The following SGCD variants were observed in gnomAD, a reference collection of about 807,000 sequenced individuals.
SGCD encodes sarcoglycan delta.
A neutral mutation model predicts 36.6 loss-of-function variants in SGCD; 18 were observed. The observed-to-expected ratio is 0.49, with a 90% CI of 0.34 to 0.73. The LOEUF (loss-of-function observed/expected upper bound fraction) is 0.73. Ranked by LOEUF, SGCD falls within the 30% of genes least tolerant of loss-of-function variation. SGCD has a pLI of 0.01. For synonymous variants in SGCD, 133 were observed against 130.6 expected, an observed-to-expected ratio of 1.02 and a Z score of -0.12; for missense variants, 387 against 346.7, an observed-to-expected ratio of 1.12 and a Z score of -0.92.
At chr5:156,704,429 T>C (rs1368194258) in intron 7 of SGCD, among the ~76,000 whole-genome samples, 1 of 152,082 alleles carries the variant, frequency 6.6e-6, no homozygotes, top group Non-Finnish European at 1.5e-5. Context: ...CATATGACTC[T>C]TCCTGGAGTT....
intron 7 of SGCD, among the ~76,000 whole-genome samples, chr5:156,742,538 C>A (rs552911896): frequency 7.9e-5 from 12 of 152,264 alleles, no homozygotes; most frequent in South Asian, 6.2e-4. Flanking sequence ...CTCCTAGCTA[C>A]TTTCCTTGCA....
At chr5:156,448,954 A>AT (rs1243799780) in intron 3 of SGCD, among the ~76,000 whole-genome samples, 5 of 151,836 alleles carry the variant, frequency 3.3e-5, no homozygotes, top group Non-Finnish European at 7.4e-5. Context: ...TGTTTTTACC[A>AT]TGTTGGCCAG....
At position 156,019,116 on chromosome 5, in the gene SGCD, CT is replaced by C. The variant is rs551980910; in HGVS notation, c.-281-98761del. On this transcript the variant is annotated intron_variant, in intron 1 of 9. Transcript: ENST00000517913. ...AATTTGACATATTTAATGAAAATCA[CT>C]GATGGCTTCTAGTATAATAAACTGA... 1.9e-3 allele frequency among the ~76,000 whole-genome samples: 283 copies of C among 152,302 alleles called. 1 individual carries two copies. The highest frequency in any genetic ancestry group is 3.1e-3 in the Non-Finnish European group (213 of 68,018).
chr5:156,373,548 G>T (rs1770504216), intron 3 of SGCD, among the ~76,000 whole-genome samples: 1 of 152,138 alleles, frequency 6.6e-6, no homozygotes, highest in African/African-American at 2.4e-5. Flanking sequence ...CTCTGTGAAA[G>T]CATTTATTAC....
At chr5:156,447,721 A>G (rs1753805081) in intron 3 of SGCD, among the ~76,000 whole-genome samples, 1 of 152,118 alleles carries the variant, frequency 6.6e-6, no homozygotes, top group Admixed American at 6.6e-5. Context: ...TAACTAGGTG[A>G]TGGGTTGACA....
intron 7 of SGCD, among the ~76,000 whole-genome samples, chr5:156,688,238 A>G (rs1178335277): frequency 2.0e-5 from 3 of 152,080 alleles, no homozygotes; most frequent in Non-Finnish European, 4.4e-5. Context: ...ACCAGTTGCT[A>G]TTTTTGGCAT....
chr5:156,134,966 C>T (rs1359352844), intron 3 of SGCD, among the ~76,000 whole-genome samples: 1 of 152,152 alleles, frequency 6.6e-6, no homozygotes, highest in South Asian at 2.1e-4. Context: ...GTAATTCTTA[C>T]TATGAAGAGT....
At chr5:156,549,011 C>T (rs1561771262) in intron 4 of SGCD, among the ~76,000 whole-genome samples, 1 of 152,034 alleles carries the variant, frequency 6.6e-6, no homozygotes, top group Non-Finnish European at 1.5e-5. Flanking sequence ...GTTCAGACAA[C>T]ACACTGCTTA....
chr5:155,937,153 A>G (rs1273820703), intron 1 of SGCD, among the ~76,000 whole-genome samples: 1 of 152,104 alleles, frequency 6.6e-6, no homozygotes, highest in Non-Finnish European at 1.5e-5. Flanking sequence ...GAGCACAGAG[A>G]GGCCCGGGTC....
chr5:156,584,221 C>CA (rs1760399184), intron 4 of SGCD, among the ~76,000 whole-genome samples: 1 of 152,166 alleles, frequency 6.6e-6, no homozygotes, highest in Non-Finnish European at 1.5e-5. Flanking sequence ...GCCAAATACA[C>CA]TTGTCTATGT....
chr5:155,826,982 C>T, the SGCD span, among the ~76,000 whole-genome samples: 1 of 152,166 alleles, frequency 6.6e-6, no homozygotes, highest in African/African-American at 2.4e-5. Flanking sequence ...TCAACCAAAA[C>T]ATTTGAATTT....
chr5:156,298,282 T>C (rs113708031), intron 3 of SGCD, among the ~76,000 whole-genome samples: 291 of 152,304 alleles, frequency 1.9e-3, no homozygotes, highest in African/African-American at 6.5e-3. Context: ...AAATACCCAG[T>C]AGTCAGATTG....
intron 1 of SGCD, among the ~76,000 whole-genome samples, chr5:155,888,203 C>G (rs1756048905): frequency 6.6e-6 from 1 of 152,162 alleles, no homozygotes. Context: ...CACTTTGTCC[C>G]CAGGTTCTCC....
chr5:156,746,602 A>G (rs1756947425), intron 7 of SGCD, among the ~76,000 whole-genome samples: 1 of 152,248 alleles, frequency 6.6e-6, no homozygotes, highest in South Asian at 2.1e-4. Flanking sequence ...GATTTTCAAC[A>G]AAAACATCAG....
intron 3 of SGCD, among the ~76,000 whole-genome samples, chr5:156,496,546 A>G (rs948571613): frequency 2.0e-5 from 3 of 152,150 alleles, no homozygotes; most frequent in Admixed American, 6.6e-5. Flanking sequence ...GTCAAAATGT[A>G]CTATCTGTCT....
Position 155,984,697 on chromosome 5 carries a change from A to G in SGCD, c.-282+114273A>G, listed in dbSNP as rs145462894. On this transcript the variant is annotated intron_variant, in intron 1 of 9. Transcript: ENST00000517913. ...TCTGCTCAAAAATCTCTGGATCCTT[A>G]TGTCCCACCTATGTGTACTATAGCT... is the stretch of plus-strand genomic sequence containing the variant. Among the ~76,000 whole-genome samples the G allele has an allele frequency of 1.9e-3, 293 of 152,150 alleles. 2 individuals are homozygous for G. The highest frequency in any genetic ancestry group is 6.8e-3 in the African/African-American group (283 of 41,504).
rs140421296 is a variant in SGCD, at chr5:156,765,678, G to A, written c.*6288G>A. 3.9e-5 allele frequency: 6 copies of A among 152,028 alleles called. No individual in the cohort carries two copies. The highest frequency in any genetic ancestry group is 4.2e-4 in the South Asian group (2 of 4,814). The allele number at this position is 152,028 out of a possible 1,614,324, so 9.4% of individuals were successfully genotyped here. On this transcript the variant is annotated 3_prime_UTR_variant, in exon 9 of 9. Transcript: ENST00000337851. The stretch of plus-strand genomic sequence containing the variant: ...GGGTTTTAATATAGTTCCAATATTC[G>A]GATGTGAAAACTGAGGCTTATAGTG...
At chr5:156,365,751 A>G (rs577433656) in intron 3 of SGCD, among the ~76,000 whole-genome samples, 2 of 149,434 alleles carry the variant, frequency 1.3e-5, no homozygotes, top group African/African-American at 5.1e-5. Context: ...GTATACATAC[A>G]CACCTATTTA....
At chr5:155,855,593 T>C in the SGCD span, among the ~76,000 whole-genome samples, 1 of 152,210 alleles carries the variant, frequency 6.6e-6, no homozygotes, top group Non-Finnish European at 1.5e-5. Flanking sequence ...AGTTCCACAT[T>C]GATCGGCTAA....
Sources: gnomAD v4.1 joint callset for allele counts (sites outside exome capture counted in the v4.1 genomes callset) on GRCh38, gnomAD v4.1.1 for gene constraint, MANE v1.5 for transcripts, NCBI Gene and HGNC (gene_info 2026-07-23, HGNC 2026-07-21) for gene names.